GRIA4: variants seen among roughly 807,000 people sequenced by gnomAD.
GRIA4 encodes glutamate ionotropic receptor AMPA type subunit 4, also known as glutamate receptor 4.
A neutral mutation model predicts 104.0 loss-of-function variants in GRIA4; 34 were observed. That is an observed-to-expected ratio of 0.33 (90% CI 0.25 to 0.44). The LOEUF (loss-of-function observed/expected upper bound fraction) is 0.44. Ranked by LOEUF, GRIA4 falls within the 20% of genes least tolerant of loss-of-function variation. GRIA4 has a pLI of 1.00. For missense variants in GRIA4, 750 were observed against 1,096.5 expected (o/e 0.68, Z 4.46); for synonymous variants, 386 against 381.9 (o/e 1.01, Z -0.13).
At chr11:105,698,001 G>C (rs1953346454) in intron 3 of GRIA4, among the ~76,000 whole-genome samples, 1 of 152,014 alleles carries the variant, frequency 6.6e-6, no homozygotes, top group Non-Finnish European at 1.5e-5. Flanking sequence ...CCCAGCAGTG[G>C]AGATGGCAAT....
intron 4 of GRIA4, among the ~76,000 whole-genome samples, chr11:105,798,245 T>C (rs1033519384): frequency 6.6e-6 from 1 of 151,932 alleles, no homozygotes; most frequent in Non-Finnish European, 1.5e-5. Context: ...ATATGAAGTA[T>C]AAGATAAAGG....
chr11:105,626,600 C>T (rs1211169828), intron 3 of GRIA4, among the ~76,000 whole-genome samples: 3 of 152,206 alleles, frequency 2.0e-5, no homozygotes, highest in African/African-American at 7.2e-5. Flanking sequence ...AGGAAAACCT[C>T]TAAACACGAA....
intron 5 of GRIA4, among the ~76,000 whole-genome samples, chr11:105,865,281 G>A (rs1945363079): frequency 6.6e-6 from 1 of 152,118 alleles, no homozygotes; most frequent in South Asian, 2.1e-4. Flanking sequence ...AAACCACAAA[G>A]TTAGATTTAT....
chr11:105,905,105 C>CA, intron 8 of GRIA4, 92 bp from the exon 9 acceptor site: 1 of 714,702 alleles, frequency 1.4e-6, no homozygotes, highest in Non-Finnish European at 2.5e-6. Flanking sequence ...TATAGTTCTA[C>CA]TTTTTTAAGT....
At chr11:105,968,684 A>G (rs1315347285) in intron 14 of GRIA4, among the ~76,000 whole-genome samples, 1 of 152,232 alleles carries the variant, frequency 6.6e-6, no homozygotes, top group Non-Finnish European at 1.5e-5. Context: ...TGGTGTTCAT[A>G]TGAGTTAATA....
At chr11:105,906,938 C>A (rs1947061495) in intron 9 of GRIA4, among the ~76,000 whole-genome samples, 3 of 152,174 alleles carry the variant, frequency 2.0e-5, no homozygotes, top group Non-Finnish European at 2.9e-5. Context: ...AACAGATGGA[C>A]AAAGGTAAGA....
At chr11:105,729,991 A>G (rs1408523315) in intron 3 of GRIA4, among the ~76,000 whole-genome samples, 1 of 152,222 alleles carries the variant, frequency 6.6e-6, no homozygotes, top group African/African-American at 2.4e-5. Flanking sequence ...GCCCTCTCTC[A>G]CCACTCCTTT....
chr11:105,753,143 C>T lies in GRIA4; in HGVS notation c.410C>T (p.Ser137Leu), dbSNP rs778511228. 1.7e-5 allele frequency: 27 copies of T among 1,613,466 alleles called. No homozygotes were observed. Among genetic ancestry groups the T allele is most frequent in the Non-Finnish European group, 2.2e-5 (26 of 1,179,604 alleles). ...ESQFVLQLRP[S>L]LRGALLSLLD... ...CAGTTTGTGCTGCAACTAAGACCTT[C>T]GTTACGAGGAGCACTCTTGAGTTTG... Residue 137 changes from serine (S) to leucine (L), a missense_variant, in exon 4 of 17, where the codon TCG (serine) becomes TTG (leucine). Physicochemically the swap from Ser to Leu is moderately radical, Grantham distance 145. Transcript: ENST00000282499.
intron 3 of GRIA4, among the ~76,000 whole-genome samples, chr11:105,642,537 G>GAAAAAAAAA (rs34987277): frequency 2.8e-5 from 2 of 72,448 alleles, no homozygotes; most frequent in Admixed American, 1.9e-4. Flanking sequence ...CAATTTTAAT[G>GAAAAAAAAA]AAAAAAAAAA....
intron 4 of GRIA4, among the ~76,000 whole-genome samples, chr11:105,774,411 TAAGAA>T (rs1941363433): frequency 6.6e-6 from 1 of 151,944 alleles, no homozygotes; most frequent in African/African-American, 2.4e-5. Context: ...TTAAGATTTC[TAAGAA>T]AAGATGGAAA....
chr11:105,614,775 A>T (rs1439439696), intron 3 of GRIA4, among the ~76,000 whole-genome samples: 1 of 152,012 alleles, frequency 6.6e-6, no homozygotes, highest in Non-Finnish European at 1.5e-5. Flanking sequence ...TTTGGGAAAA[A>T]ATCAATAGTC....
intron 4 of GRIA4, among the ~76,000 whole-genome samples, chr11:105,844,594 T>C (rs1406194474): frequency 1.3e-5 from 2 of 152,238 alleles, no homozygotes; most frequent in African/African-American, 2.4e-5. Flanking sequence ...CACAGCATAA[T>C]GTAGTCTTTG....
chr11:105,679,678 GA>G (rs1368460216), intron 3 of GRIA4, among the ~76,000 whole-genome samples: 19 of 151,790 alleles, frequency 1.3e-4, no homozygotes, highest in East Asian at 3.9e-4. Context: ...ATAAGAACAG[GA>G]AAAAAAGATT....
chr11:105,688,146 A>C (rs201551196), intron 3 of GRIA4, among the ~76,000 whole-genome samples: 1,873 of 32,404 alleles, frequency 0.058, 46 homozygotes, highest in African/African-American at 0.11. Context: ...ATCTATATCT[A>C]TATCTATATC....
chr11:105,898,192 A>T lies in GRIA4; in HGVS notation c.727-77A>T. ...AAAAATCTTTTAATATGTATAGGTT[A>T]TTAATTTATGTTACTATTGAAGAGC... is the stretch of plus-strand genomic sequence containing the variant. On this transcript the variant is annotated intron_variant, in intron 6 of 16. Transcript: ENST00000282499. 7.3e-6 allele frequency: 5 copies of T among 685,566 alleles called. No homozygotes were observed. The South Asian group carries it at 1.1e-4, about 15-fold the overall frequency. 42.5% of individuals were successfully genotyped at this position (685,566 alleles called of 1,614,324 possible).
rs1306656378 is a variant in GRIA4, at chr11:105,688,190, T to TATCTATCTATCTATC, written c.248-64791_248-64790insATCTATCTATCTATC. 3.4e-3 allele frequency among the ~76,000 whole-genome samples: 467 copies of TATCTATCTATCTATC among 137,690 alleles called. 1 individual carries two copies. Among genetic ancestry groups the TATCTATCTATCTATC allele is most frequent in the East Asian group, 8.3e-3 (36 of 4,328 alleles). The allele number at this position is 137,690 out of a possible 152,430, so 90.3% of individuals were successfully genotyped here. ...TCTATCTATCTATCTATCTATCTATTTATCTATATGCTAACTGGCACATTT... is the reference window on the plus strand; with the variant it reads ...TCTATCTATCTATCTATCTATCTATTATCTATCTATCTATCTATCTATATGCTAACTGGCACATTT... On this transcript the variant is annotated intron_variant, in intron 3 of 16. Transcript: ENST00000282499.
At chr11:105,825,812 T>A (rs916138733) in intron 4 of GRIA4, among the ~76,000 whole-genome samples, 1 of 151,968 alleles carries the variant, frequency 6.6e-6, no homozygotes, top group Non-Finnish European at 1.5e-5. Flanking sequence ...AATTGGGAGA[T>A]CCCTTATGAT....
At chr11:105,810,908 G>A (rs1286169886) in intron 4 of GRIA4, among the ~76,000 whole-genome samples, 2 of 152,052 alleles carry the variant, frequency 1.3e-5, no homozygotes, top group Admixed American at 6.5e-5. Context: ...ACTGTGTTAA[G>A]CATTTTTTTT....
intron 4 of GRIA4, among the ~76,000 whole-genome samples, chr11:105,754,025 T>C (rs1485170729): frequency 1.3e-5 from 2 of 152,128 alleles, no homozygotes; most frequent in African/African-American, 4.8e-5. Flanking sequence ...GATTACATCA[T>C]TGGCCATTGA....
Sources: allele counts gnomAD v4.1 joint callset (sites outside exome capture counted in the v4.1 genomes callset), GRCh38; gene constraint gnomAD v4.1.1; transcripts MANE v1.5; gene names NCBI Gene and HGNC (gene_info 2026-07-23, HGNC 2026-07-21).